NETO1: variants seen among roughly 807,000 people sequenced by gnomAD.
NETO1 encodes the protein neuropilin and tolloid-like protein 1.
NETO1 carries 26 observed loss-of-function variants against 61.3 expected under a neutral mutation model. The ratio of observed to expected loss-of-function variants is 0.42; its 90% confidence interval spans 0.31 to 0.59. The LOEUF (loss-of-function observed/expected upper bound fraction) is 0.59. Among genes scored for constraint, NETO1 ranks in the 20% least tolerant of loss-of-function variants. The pLI is 0.12. For missense variants in NETO1, 531 were observed against 662.8 expected, an observed-to-expected ratio of 0.80 and a Z score of 2.18; for synonymous variants, 225 against 225.8, an observed-to-expected ratio of 1.00 and a Z score of 0.03.
intron 4 of NETO1, among the ~76,000 whole-genome samples, chr18:72,849,503 C>G (rs552972095): frequency 6.6e-6 from 1 of 152,334 alleles, no homozygotes; most frequent in Non-Finnish European, 1.5e-5. Flanking sequence ...TTTCTACTAA[C>G]AGTAAGTTTA....
chr18:72,818,976 C>T (rs187678372), intron 4 of NETO1, among the ~76,000 whole-genome samples: 108 of 152,288 alleles, frequency 7.1e-4, no homozygotes, highest in South Asian at 1.4e-3. Flanking sequence ...AAATGAATTA[C>T]ATTTTTCCAC....
At chr18:72,779,591 T>C (rs1441347612) in intron 7 of NETO1, among the ~76,000 whole-genome samples, 1 of 152,166 alleles carries the variant, frequency 6.6e-6, no homozygotes, top group East Asian at 1.9e-4. Context: ...CACTTTCTAT[T>C]GTTTTGAAGT....
intron 4 of NETO1, among the ~76,000 whole-genome samples, chr18:72,846,864 C>A (rs1229111289): frequency 6.6e-6 from 1 of 152,218 alleles, no homozygotes; most frequent in Non-Finnish European, 1.5e-5. Flanking sequence ...CAACCCTCAT[C>A]TGTGCCTTCC....
intron 1 of NETO1, chr18:72,865,555 A>T: frequency 3.1e-6 from 5 of 1,604,560 alleles, no homozygotes; most frequent in Non-Finnish European, 4.3e-6. Context: ...TACAGGAGTC[A>T]CACTGTATCT....
At position 72,862,622 on chromosome 18, in the gene NETO1, C is replaced by CTT. The variant is rs11453772; in HGVS notation, c.220+2184_220+2185dup. On this transcript the variant is annotated intron_variant, in intron 3 of 10. Transcript: ENST00000327305. ...CAGCCACTCATGATCCTTTTTTTTT[C>CTT]TTTTTTTTTTTTTTTTGAGACAGAG... 5.0e-3 allele frequency among the ~76,000 whole-genome samples: 616 copies of CTT among 122,390 alleles called. 8 individuals carry two copies. The highest frequency in any genetic ancestry group is 6.3e-3 in the Non-Finnish European group (386 of 60,822). The allele number at this position is 122,390 out of a possible 152,430, so 80.3% of individuals were successfully genotyped here. A position where few individuals can be genotyped will look rare whatever the true frequency, so the allele number is the denominator to read the frequency against.
intron 9 of NETO1, among the ~76,000 whole-genome samples, chr18:72,749,338 G>A (rs2070514019): frequency 6.6e-6 from 1 of 151,986 alleles, no homozygotes. Context: ...AAGTTGACAA[G>A]ATTTTGGAAT....
At chr18:72,791,123 T>G (rs954154011) in intron 6 of NETO1, among the ~76,000 whole-genome samples, 2 of 152,206 alleles carry the variant, frequency 1.3e-5, no homozygotes, top group Non-Finnish European at 1.5e-5. Flanking sequence ...CCGAATTCTA[T>G]GAAATCTAGA....
rs1218470178 is a variant in NETO1, at chr18:72,859,119, T to A, written c.221-45A>T. 4 of 1,519,130 alleles carry A rather than the reference T, an allele frequency of 2.6e-6. No individual in the cohort carries two copies. The Admixed American group carries it at 9.3e-5, about 35-fold the overall frequency. The allele number at this position is 1,519,130 out of a possible 1,614,324, so 94.1% of individuals were successfully genotyped here. Reference sequence around the variant, plus strand: ...TGTCTAGGAGGTCATTTCTTACATCTTCAGGTTGATGTTTTCTGATTCTAT... The same window carrying A: ...TGTCTAGGAGGTCATTTCTTACATCATCAGGTTGATGTTTTCTGATTCTAT... On this transcript the variant is annotated intron_variant, in intron 3 of 10. Coordinates refer to ENST00000327305, the MANE Select transcript of NETO1 (RefSeq NM_138966.5).
chr18:72,791,545 C>T (rs748641140), intron 6 of NETO1, among the ~76,000 whole-genome samples: 1 of 152,160 alleles, frequency 6.6e-6, no homozygotes, highest in Admixed American at 6.5e-5. Context: ...AGGCAGCTTC[C>T]CCTTTGGGTC....
Position 72,830,371 on chromosome 18 carries a change from A to G in NETO1, c.469+28455T>C, listed in dbSNP as rs1337410867. Among the ~76,000 whole-genome samples, 1 of 152,206 alleles carries G rather than the reference A, an allele frequency of 6.6e-6. No homozygotes were observed. Reference sequence around the variant, plus strand: ...CCAGAAACGGGTTGGCAGGGAGGCCACAACTTCAGAGACATCAGTAGCGCC... The same window carrying G: ...CCAGAAACGGGTTGGCAGGGAGGCCGCAACTTCAGAGACATCAGTAGCGCC... On this transcript the variant is annotated intron_variant, in intron 4 of 10. Coordinates refer to ENST00000327305, the MANE Select transcript of NETO1 (RefSeq NM_138966.5). This position sits in a 1 kb window ranked among gnomAD's most constrained non-coding sequence, Gnocchi z 4.9.
chr18:72,853,345 T>G (rs1004245943), intron 4 of NETO1: 1 of 152,420 alleles, frequency 6.6e-6, no homozygotes, highest in Non-Finnish European at 1.5e-5. Context: ...AGTTTTGCCA[T>G]TAAAGGTAAA....
intron 4 of NETO1, among the ~76,000 whole-genome samples, chr18:72,843,164 T>G (rs965678895): frequency 2.6e-5 from 4 of 152,190 alleles, no homozygotes; most frequent in Admixed American, 2.6e-4. Flanking sequence ...AAAAATGCTT[T>G]CCAAAATATT....
chr18:72,841,585 T>C (rs555721754), intron 4 of NETO1, among the ~76,000 whole-genome samples: 1 of 151,802 alleles, frequency 6.6e-6, no homozygotes, highest in East Asian at 1.9e-4. Flanking sequence ...AATGAAATAA[T>C]CAGCCGGGCA....
Position 72,747,115 on chromosome 18 carries a change from A to T in NETO1, c.*1064T>A, listed in dbSNP as rs2070448056. 1 of 151,996 alleles carries T rather than the reference A, an allele frequency of 6.6e-6. No homozygotes were observed. The highest frequency in any genetic ancestry group is 1.9e-4 in the East Asian group (1 of 5,192). 9.4% of individuals were successfully genotyped at this position (151,996 alleles called of 1,614,324 possible). On this transcript the variant is annotated 3_prime_UTR_variant, in exon 11 of 11. Transcript: ENST00000327305. Reference sequence around the variant, plus strand: ...TTTTGGGAAGTAAACCTCAATACTGAAGGACATCCTGTACCCTAAAAGGTG... The same window carrying T: ...TTTTGGGAAGTAAACCTCAATACTGTAGGACATCCTGTACCCTAAAAGGTG...
chr18:72,747,374 A>G lies in NETO1; in HGVS notation c.*805T>C, dbSNP rs2070453070. ...CAAAAAGGATATTTTCCCAACTCAA[A>G]TATCCAGTACTGACATGCAGGGTAT... On this transcript the variant is annotated 3_prime_UTR_variant, in exon 11 of 11. Coordinates refer to ENST00000327305, the MANE Select transcript of NETO1 (RefSeq NM_138966.5). 6.6e-6 allele frequency: 1 copy of G among 152,108 alleles called. No individual in the cohort carries two copies. Among genetic ancestry groups the G allele is most frequent in the South Asian group, 2.1e-4 (1 of 4,832 alleles). 9.4% of individuals were successfully genotyped at this position (152,108 alleles called of 1,614,324 possible).
chr18:72,788,282 T>G (rs2071989515), intron 6 of NETO1, among the ~76,000 whole-genome samples: 1 of 152,134 alleles, frequency 6.6e-6, no homozygotes, highest in African/African-American at 2.4e-5. Flanking sequence ...TTCAGTAGTG[T>G]TTACCTATGA....
chr18:72,813,558 C>A (rs2072935164), intron 4 of NETO1, among the ~76,000 whole-genome samples: 1 of 152,048 alleles, frequency 6.6e-6, no homozygotes, highest in African/African-American at 2.4e-5. Context: ...CATTACAAAC[C>A]AGACTGAAAA....
rs763862543 is a variant in NETO1 at position 72,745,488 on chromosome 18, A to G, written c.*2691T>C. Reference sequence around the variant, plus strand: ...ATGCATTATTTGAAATCATCTTGTTAAATCAATAAAGCACTTGGGTTGGTA... The same window carrying G: ...ATGCATTATTTGAAATCATCTTGTTGAATCAATAAAGCACTTGGGTTGGTA... On this transcript the variant is annotated 3_prime_UTR_variant, in exon 11 of 11. Coordinates refer to ENST00000327305, the MANE Select transcript of NETO1 (RefSeq NM_138966.5). 2.0e-5 allele frequency: 3 copies of G among 152,220 alleles called. No individual in the cohort carries two copies. Among genetic ancestry groups the G allele is most frequent in the Non-Finnish European group, 4.4e-5 (3 of 68,028 alleles). The allele number at this position is 152,220 out of a possible 1,614,324, so 9.4% of individuals were successfully genotyped here. A position where few individuals can be genotyped will look rare whatever the true frequency, so the allele number is the denominator to read the frequency against.
chr18:72,760,358 G>T (rs2070930259), intron 7 of NETO1, among the ~76,000 whole-genome samples: 1 of 152,124 alleles, frequency 6.6e-6, no homozygotes. Flanking sequence ...GCATTCATTT[G>T]TGGCTGTGCA....
Sources: gnomAD v4.1 joint callset for allele counts (sites outside exome capture counted in the v4.1 genomes callset) on GRCh38, gnomAD v4.1.1 for gene constraint, Gnocchi (gnomAD v3.1) non-coding constraint, MANE v1.5 for transcripts, NCBI Gene and HGNC (gene_info 2026-07-23, HGNC 2026-07-21) for gene names.